Variants in WARS1 observed in about 807,000 individuals in gnomAD.
WARS1 encodes tryptophan--tRNA ligase, cytoplasmic.
Under a neutral mutation model 47.8 loss-of-function variants are expected in WARS1, and 17 were observed. That is an observed-to-expected ratio of 0.36 (90% CI 0.24 to 0.53). The LOEUF (loss-of-function observed/expected upper bound fraction) is 0.53. Ranked by LOEUF, WARS1 falls within the 20% of genes least tolerant of loss-of-function variation. The pLI, the probability that WARS1 is intolerant of heterozygous loss-of-function variation, is 0.91. For missense variants in WARS1, 434 were observed against 608.0 expected (o/e 0.71, Z 3.01); for synonymous variants, 208 against 228.1 (o/e 0.91, Z 0.79).
chr14:100,334,837 A>G lies in WARS1; in HGVS notation c.*38T>C. On this transcript the variant is annotated 3_prime_UTR_variant, in exon 11 of 11. Transcript: ENST00000392882. The stretch of plus-strand genomic sequence containing the variant: ...GGCTGGGATTATTGATACATTACTG[A>G]TACATCACTTCTTTTATAAGCATAT... 1 of 1,606,572 alleles carries G rather than the reference A, an allele frequency of 6.2e-7. No individual in the cohort carries two copies. Among genetic ancestry groups the G allele is most frequent in the Non-Finnish European group, 8.5e-7 (1 of 1,174,956 alleles).
At chr14:100,339,416 C>T (rs1293644454) in intron 9 of WARS1, among the ~76,000 whole-genome samples, 1 of 151,868 alleles carries the variant, frequency 6.6e-6, no homozygotes, top group Non-Finnish European at 1.5e-5. Flanking sequence ...ACGGTGAAAC[C>T]CCGTCTCTAC....
chr14:100,344,641 C>T (rs1365472536), intron 7 of WARS1, among the ~76,000 whole-genome samples: 1 of 149,788 alleles, frequency 6.7e-6, no homozygotes. Flanking sequence ...AAGTGAGGAG[C>T]GCCTCTTCCC....
chr14:100,368,229 C>T lies in WARS1; in HGVS notation c.99+858G>A, dbSNP rs189239760. 1.9e-3 allele frequency: 656 copies of T among 340,684 alleles called. 9 individuals carry two copies. The highest frequency in any genetic ancestry group is 0.011 in the South Asian group (485 of 44,488). 21.1% of individuals were successfully genotyped at this position (340,684 alleles called of 1,614,324 possible). ...ATTAGTATCATTGACATAAAAAAGT[C>T]AAGCAAACAGATATTAAGACAAATA... On this transcript the variant is annotated intron_variant, in intron 2 of 10. Coordinates refer to ENST00000392882, the MANE Select transcript of WARS1 (RefSeq NM_004184.4).
At chr14:100,370,397 G>T (rs1234058233) in intron 1 of WARS1, 5 of 152,136 alleles carry the variant, frequency 3.3e-5, no homozygotes, top group Non-Finnish European at 7.4e-5. Context: ...AGAAAAAAAA[G>T]GCATGGTAGC....
chr14:100,334,540 G>A lies in WARS1; in HGVS notation c.*335C>T, dbSNP rs1417841552. On this transcript the variant is annotated 3_prime_UTR_variant, in exon 11 of 11. Transcript: ENST00000392882. ...TCTTAAGAGTATACTTGGAACCCTC[G>A]GAGTCCTCCATGGACAAGAACAGGG... The A allele has an allele frequency of 1.5e-5, 3 of 205,108 alleles. No individual in the cohort carries two copies. Among genetic ancestry groups the A allele is most frequent in the South Asian group, 1.1e-4 (1 of 9,200 alleles). 12.7% of individuals were successfully genotyped at this position (205,108 alleles called of 1,614,324 possible).
At chr14:100,369,016 C>CT in intron 2 of WARS1, 71 bp downstream of exon 2, 1 of 1,173,028 alleles carries the variant, frequency 8.5e-7, no homozygotes, top group Non-Finnish European at 1.2e-6. Context: ...ACCATCTATT[C>CT]TAGAGGAACA....
intron 7 of WARS1, among the ~76,000 whole-genome samples, chr14:100,345,037 G>C (rs1417964094): frequency 6.8e-6 from 1 of 146,278 alleles, no homozygotes; most frequent in Non-Finnish European, 1.5e-5. Context: ...CGCCCCGTCC[G>C]GGAGGGAGGT....
At position 100,337,045 on chromosome 14, in the gene WARS1, T is replaced by C. The variant is rs370259772; in HGVS notation, c.1254+17A>G. 12 of 1,608,120 alleles carry C rather than the reference T, an allele frequency of 7.5e-6. No homozygotes were observed. The highest frequency in any genetic ancestry group is 1.3e-5 in the African/African-American group (1 of 74,838). On this transcript the variant is annotated intron_variant, in intron 10 of 10. Coordinates refer to ENST00000392882, the MANE Select transcript of WARS1 (RefSeq NM_004184.4). ...GTGGCAGAAGGCGGCTGTGGGCCCT[T>C]GGGGTTCCCTGCTCACCTTCCTGAT...
chr14:100,351,487 G>C (rs1894974335), intron 6 of WARS1, among the ~76,000 whole-genome samples: 1 of 131,508 alleles, frequency 7.6e-6, no homozygotes, highest in Non-Finnish European at 1.6e-5. Context: ...ACCCATGAGT[G>C]AGACTCTGTC....
intron 6 of WARS1, among the ~76,000 whole-genome samples, chr14:100,348,020 G>C (rs972525765): frequency 6.6e-6 from 1 of 152,228 alleles, no homozygotes; most frequent in Non-Finnish European, 1.5e-5. Flanking sequence ...AGCTGTGCTA[G>C]ATGCTGCGTA....
At chr14:100,360,720 T>C in intron 3 of WARS1, 58 bp from the exon 4 acceptor site, 1 of 1,297,418 alleles carries the variant, frequency 7.7e-7, no homozygotes, top group Non-Finnish European at 1.1e-6. Flanking sequence ...GATCAGATAT[T>C]ACTGAAATGA....
chr14:100,372,706 A>T (rs551136150), intron 1 of WARS1, among the ~76,000 whole-genome samples: 1 of 152,206 alleles, frequency 6.6e-6, no homozygotes, highest in African/African-American at 2.4e-5. Context: ...CCAGAAACCT[A>T]TCCTGAATTC....
At chr14:100,344,281 C>T (rs1595416266) in intron 7 of WARS1, among the ~76,000 whole-genome samples, 1 of 152,152 alleles carries the variant, frequency 6.6e-6, no homozygotes, top group Non-Finnish European at 1.5e-5. Flanking sequence ...GACGGGGTTT[C>T]GCTGTGTTGG....
At chr14:100,366,628 G>C (rs1357670135) in intron 2 of WARS1, 4 of 753,064 alleles carry the variant, frequency 5.3e-6, no homozygotes, top group African/African-American at 1.7e-5. Flanking sequence ...TGTCAGACAT[G>C]GCCCATGGAC....
At chr14:100,345,661 AAAT>A (rs1029087898) in intron 7 of WARS1, among the ~76,000 whole-genome samples, 24 of 14,768 alleles carry the variant, frequency 1.6e-3, no homozygotes, top group African/African-American at 2.3e-3. Flanking sequence ...TGATCAATAA[AAAT>A]AAATAAATAA....
chr14:100,342,320 A>C (rs1354749666), intron 9 of WARS1, 78 bp downstream of exon 9: 1 of 1,582,604 alleles, frequency 6.3e-7, no homozygotes, highest in Admixed American at 1.7e-5. Flanking sequence ...AGCACTGCGC[A>C]GTGGTGTGTG....
In WARS1 at chr14:100,334,807, G is replaced by T; in HGVS notation, c.*68C>A. On this transcript the variant is annotated 3_prime_UTR_variant, in exon 11 of 11. Coordinates refer to ENST00000392882, the MANE Select transcript of WARS1 (RefSeq NM_004184.4). ...AGAAGCCTACAGGTGGCGGTGCTTTGACTGGGCTGGGATTATTGATACATT... is the reference window on the plus strand; with the variant it reads ...AGAAGCCTACAGGTGGCGGTGCTTTTACTGGGCTGGGATTATTGATACATT... 1 of 1,569,050 alleles carries T rather than the reference G, an allele frequency of 6.4e-7. No homozygotes were observed. The highest frequency in any genetic ancestry group is 1.2e-5 in the South Asian group (1 of 84,302).
intron 7 of WARS1, 95 bp from the exon 8 acceptor site, chr14:100,343,482 A>G (rs1014013188): frequency 2.4e-6 from 2 of 830,480 alleles, no homozygotes; most frequent in Admixed American, 3.0e-5. Flanking sequence ...CTCCCATTAT[A>G]AAACAATCAT....
rs1164106298 is a variant in WARS1 at position 100,360,582 on chromosome 14, G to A, written c.394C>T (p.Leu132=). The A allele has an allele frequency of 8.1e-6, 13 of 1,613,764 alleles. No individual in the cohort carries two copies. The highest frequency in any genetic ancestry group is 1.1e-5 in the Non-Finnish European group (13 of 1,179,694). The part of the protein sequence containing the change: ...RATGQRPHHF[L]RRGIFFSHRD... ...TGTGAGAAGAAGATGCCTCTGCGCAGGAAGTGGTGTGGTCTTTGGCCGGTG... is the reference window on the plus strand; with the variant it reads ...TGTGAGAAGAAGATGCCTCTGCGCAAGAAGTGGTGTGGTCTTTGGCCGGTG... Residue 132 remains leucine, a synonymous_variant, in exon 4 of 11, where the codon CTG becomes TTG. Transcript: ENST00000392882.
Sources: gnomAD v4.1 joint callset for allele counts (sites outside exome capture counted in the v4.1 genomes callset) on GRCh38, gnomAD v4.1.1 for gene constraint, MANE v1.5 for transcripts, NCBI Gene and HGNC (gene_info 2026-07-23, HGNC 2026-07-21) for gene names.